EPHA10: variants seen among roughly 807,000 people sequenced by gnomAD.
The protein encoded by EPHA10 is EPH receptor A10.
In EPHA10, 120 loss-of-function variants were observed where a neutral mutation model predicts 109.7. The observed-to-expected ratio is 1.09, with a 90% CI of 0.94 to 1.27. The LOEUF (loss-of-function observed/expected upper bound fraction) is 1.27, where lower values mean the gene tolerates loss of function less well. Ranked by LOEUF, EPHA10 falls within the 50% of genes most tolerant of loss-of-function variation. EPHA10 has a pLI of 0.00. For missense variants in EPHA10, 1,396 were observed against 1,411.1 expected (o/e 0.99, Z 0.17); for synonymous variants, 640 against 618.9 (o/e 1.03, Z -0.51).
rs1235674830 is a variant in EPHA10 at position 37,727,195 on chromosome 1, C to G, written c.1679G>C (p.Arg560Thr). 1 of 1,606,000 alleles carries G rather than the reference C, an allele frequency of 6.2e-7. No homozygotes were observed. The highest frequency in any genetic ancestry group is 2.3e-5 in the East Asian group (1 of 44,380). The change falls in exon 8 of 17, where the codon AGG (arginine) becomes ACG (threonine). Residue 560 changes from arginine to threonine, a missense_variant. Coordinates refer to ENST00000373048, the MANE Select transcript of EPHA10 (RefSeq NM_001099439.2). ...GACGACAATGGCGGGGCTCTGGTCCCTGGACCCTGAGGCAGCTGGGAGGAA... is the reference window on the plus strand; with the variant it reads ...GACGACAATGGCGGGGCTCTGGTCCGTGGACCCTGAGGCAGCTGGGAGGAA... ...QTLGEAASGSRDQSPAIVVTV... is the reference protein window; with the variant it reads ...QTLGEAASGSTDQSPAIVVTV...
Position 37,751,871 on chromosome 1 carries a change from CA to C in EPHA10, c.1357+1004del, listed in dbSNP as rs150137057. On this transcript the variant is annotated intron_variant, in intron 5 of 16. Transcript: ENST00000373048. ...CTGGTGACAGAGCAAGACTCTGTCT[CA>C]AAAAAAAAAAAAATTATTATCAACA... Among the ~76,000 whole-genome samples, 892 of 127,448 alleles carry C rather than the reference CA, an allele frequency of 7.0e-3. 6 individuals are homozygous for C. The highest frequency in any genetic ancestry group is 0.019 in the African/African-American group (641 of 33,808). 83.6% of individuals were successfully genotyped at this position (127,448 alleles called of 152,430 possible).
chr1:37,719,821 G>T, intron 14 of EPHA10, 88 bp downstream of exon 14: 1 of 1,600,480 alleles, frequency 6.2e-7, no homozygotes, highest in Non-Finnish European at 8.6e-7. Context: ...GAGGCAGGAA[G>T]ATTGAGGGCC....
At chr1:37,760,266 A>C in intron 3 of EPHA10, 1 of 1,026,444 alleles carries the variant, frequency 9.7e-7, no homozygotes, top group Non-Finnish European at 1.2e-6. Context: ...CCAGAAAAGG[A>C]CATGGTTTAG....
In EPHA10 at chr1:37,735,262, C is replaced by A; in HGVS notation, c.1486G>T (p.Glu496Ter). Residue 496 changes from glutamate (E) to a stop codon, truncating the protein, a stop_gained, in exon 6 of 17, where the codon GAG becomes TAG. Transcript: ENST00000373048. LOFTEE classifies it high-confidence loss of function. The stretch of plus-strand genomic sequence containing the variant: ...CCTCCCAGACACGCACTCACCTTCT[C>A]GTAGTATCGGATCTCGTACTCCGTG... Reference protein sequence around the residue: ...NDTEYEIRYYEKGQSEQTYSM... With the variant: ...NDTEYEIRYY The A allele has an allele frequency of 6.4e-7, 1 of 1,567,058 alleles. No homozygotes were observed. The highest frequency in any genetic ancestry group is 8.7e-7 in the Non-Finnish European group (1 of 1,155,932).
intron 6 of EPHA10, 50 bp from the exon 7 acceptor site, chr1:37,731,632 T>G: frequency 6.5e-7 from 1 of 1,532,792 alleles, no homozygotes; most frequent in Non-Finnish European, 8.8e-7. Flanking sequence ...TCCACTGTTC[T>G]AGGAGAACAA....
At chr1:37,741,404 G>C (rs770445741) in intron 5 of EPHA10, among the ~76,000 whole-genome samples, 1 of 152,226 alleles carries the variant, frequency 6.6e-6, no homozygotes, top group African/African-American at 2.4e-5. Context: ...AGTGGAAACG[G>C]AGTAGGTGGC....
chr1:37,724,626 G>T lies in EPHA10; in HGVS notation c.1773-1254C>A, dbSNP rs137979024. ...GAGAAAGTAGAGGGGATGGTAGAGA[G>T]AAATCACATAAAGGTACAAGGATGA... On this transcript the variant is annotated intron_variant, in intron 8 of 16. Transcript: ENST00000373048. Among the ~76,000 whole-genome samples, 815 of 152,286 alleles carry T rather than the reference G, an allele frequency of 5.4e-3. 6 individuals carry two copies. The highest frequency in any genetic ancestry group is 0.018 in the African/African-American group (754 of 41,542).
At chr1:37,757,954 C>G (rs1456715423) in intron 3 of EPHA10, among the ~76,000 whole-genome samples, 1 of 152,166 alleles carries the variant, frequency 6.6e-6, no homozygotes, top group Non-Finnish European at 1.5e-5. Flanking sequence ...CCTTCCAGTC[C>G]TAGAGGAGGG....
Position 37,762,108 on chromosome 1 carries a change from GC to G in EPHA10, c.172-26del, listed in dbSNP as rs113078921. 2.7e-3 allele frequency: 4,200 copies of G among 1,541,322 alleles called. 85 individuals carry two copies. The African/African-American group carries it at 0.049, about 18-fold the overall frequency. ...ACTGGGGACAAGAGTAAAGGGGTGG[GC>G]AGCCCAGAGCCAAAGTGCTTCCAGG... On this transcript the variant is annotated intron_variant, in intron 2 of 16. Transcript: ENST00000373048.
intron 5 of EPHA10, among the ~76,000 whole-genome samples, chr1:37,737,593 T>C (rs988675772): frequency 2.0e-5 from 3 of 152,102 alleles, no homozygotes; most frequent in Non-Finnish European, 4.4e-5. Context: ...CCTAAAATCA[T>C]ATGCAAAAAA....
rs1210303999 is a variant in EPHA10, at chr1:37,731,585, GGAGA to G, written c.1492-7_1492-4del. The G allele has an allele frequency of 6.2e-7, 1 of 1,600,948 alleles. No individual in the cohort carries two copies. Among genetic ancestry groups the G allele is most frequent in the South Asian group, 1.1e-5 (1 of 89,546 alleles). On this transcript the variant is annotated splice_region_variant and splice_polypyrimidine_tract_variant and intron_variant, in intron 6 of 16. Transcript: ENST00000373048. ...GAGTAAGTCTGCTCACTCTGACCCT[GGAGA>G]GAGATCAAGAAGTGAAGCCCACCAG...
At position 37,716,830 on chromosome 1, in the gene EPHA10, C is replaced by G. The variant is rs1262886251; in HGVS notation, c.*1542G>C. The stretch of plus-strand genomic sequence containing the variant: ...GTTCAACTTACATCTCAACTTCACA[C>G]ATTAAGAGAGTGGCTATCTCCCCCT... On this transcript the variant is annotated 3_prime_UTR_variant, in exon 17 of 17. Coordinates refer to ENST00000373048, the MANE Select transcript of EPHA10 (RefSeq NM_001099439.2). The G allele has an allele frequency of 4.3e-6, 1 of 232,834 alleles. No homozygotes were observed. Among genetic ancestry groups the G allele is most frequent in the Non-Finnish European group, 8.5e-6 (1 of 117,904 alleles). The allele number at this position is 232,834 out of a possible 1,614,324, so 14.4% of individuals were successfully genotyped here.
intron 8 of EPHA10, among the ~76,000 whole-genome samples, chr1:37,726,397 C>T (rs569144202): frequency 2.0e-5 from 3 of 152,336 alleles, no homozygotes; most frequent in African/African-American, 7.2e-5. Context: ...TGCCCATTGT[C>T]GTTCCAGCTG....
chr1:37,718,775 G>A lies in EPHA10; in HGVS notation c.2798C>T (p.Pro933Leu), dbSNP rs1645735361. ...CCACGCGCCCACAGAGCCAAAGGAG[G>A]GGAAGGTGGAGAAGGCACGGTCCGC... is the stretch of plus-strand genomic sequence containing the variant. ...PLADRAFSTF[P>L]SFGSVGAWLE... The change falls in exon 16 of 17, where the codon CCC (proline) becomes CTC (leucine). Residue 933 changes from proline (P) to leucine (L), a missense_variant. Pro to Leu is a moderately conservative substitution (Grantham distance 98). Transcript: ENST00000373048. The A allele has an allele frequency of 6.2e-7, 1 of 1,612,984 alleles. No homozygotes were observed. The highest frequency in any genetic ancestry group is 1.7e-5 in the Admixed American group (1 of 59,986).
chr1:37,721,640 A>T lies in EPHA10; in HGVS notation c.2146+20T>A. ...CCATACCCGTGGGCTGGGCAGCAGG[A>T]AGGGAGCACCGGGCCCTACCTCGGG... On this transcript the variant is annotated intron_variant, in intron 11 of 16. Transcript: ENST00000373048. 6.3e-7 allele frequency: 1 copy of T among 1,589,268 alleles called. No individual in the cohort carries two copies. Among genetic ancestry groups the T allele is most frequent in the Non-Finnish European group, 8.6e-7 (1 of 1,166,018 alleles).
At chr1:37,732,335 G>A (rs1645997234) in intron 6 of EPHA10, among the ~76,000 whole-genome samples, 1 of 151,950 alleles carries the variant, frequency 6.6e-6, no homozygotes, top group African/African-American at 2.4e-5. Context: ...ACATCATGCT[G>A]CCCCCCGCTC....
At chr1:37,751,235 A>AAAAAAAAC (rs1646320270) in intron 5 of EPHA10, among the ~76,000 whole-genome samples, 1 of 95,818 alleles carries the variant, frequency 1.0e-5, no homozygotes, top group Non-Finnish European at 2.3e-5. Flanking sequence ...AGAAAGAAAA[A>AAAAAAAAC]GAAAAAGAAA....
At chr1:37,759,752 C>G (rs1646416442) in intron 3 of EPHA10, among the ~76,000 whole-genome samples, 1 of 151,520 alleles carries the variant, frequency 6.6e-6, no homozygotes. Flanking sequence ...CTATGAATAG[C>G]TGCTACACGC....
chr1:37,732,623 G>A (rs1481985773), intron 6 of EPHA10, among the ~76,000 whole-genome samples: 2 of 152,078 alleles, frequency 1.3e-5, no homozygotes, highest in Non-Finnish European at 2.9e-5. Context: ...GGCAGGCTAG[G>A]GGCAGAGAGG....
Sources: allele counts gnomAD v4.1 joint callset (sites outside exome capture counted in the v4.1 genomes callset), GRCh38; gene constraint gnomAD v4.1.1; transcripts MANE v1.5; gene names NCBI Gene and HGNC (gene_info 2026-07-23, HGNC 2026-07-21).